The following HIP1 variants were observed in gnomAD, a reference collection of about 807,000 sequenced individuals.
The protein encoded by HIP1 is huntingtin interacting protein 1, also known as huntingtin-interacting protein 1.
A neutral mutation model predicts 147.6 loss-of-function variants in HIP1; 65 were observed. The observed-to-expected ratio is 0.44, with a 90% CI of 0.36 to 0.54. The LOEUF is 0.54. Among genes scored for constraint, HIP1 ranks in the 20% least tolerant of loss-of-function variants. The pLI is 0.00. For synonymous variants in HIP1, 479 were observed against 504.0 expected (o/e 0.95, Z 0.67); for missense variants, 1,061 against 1,299.6 (o/e 0.82, Z 2.82).
At chr7:75,696,463 CTTCCTTCCT>C (rs1198308950) in intron 1 of HIP1, among the ~76,000 whole-genome samples, 22 of 151,246 alleles carry the variant, frequency 1.5e-4, no homozygotes, top group African/African-American at 2.2e-4. Context: ...AGCCCTTTCT[CTTCCTTCCT>C]TTCCTTCCTT....
intron 1 of HIP1, among the ~76,000 whole-genome samples, chr7:75,690,612 C>CA (rs1800416321): frequency 6.6e-6 from 1 of 151,970 alleles, no homozygotes; most frequent in Non-Finnish European, 1.5e-5. Flanking sequence ...CCTGTAATCC[C>CA]AGCACTTTGG....
chr7:75,568,879 T>G lies in HIP1; in HGVS notation c.746-623A>C, dbSNP rs368331824. ...CAGAAATTAGCCGGGCGCGGTGGCA[T>G]GCGCCTGTAATCCCAGCTACTTGGG... On this transcript the variant is annotated intron_variant, in intron 8 of 30. Coordinates refer to ENST00000336926, the MANE Select transcript of HIP1 (RefSeq NM_005338.7). This position sits in a 1 kb window ranked among gnomAD's most constrained non-coding sequence, Gnocchi z 4.1. Among the ~76,000 whole-genome samples the G allele has an allele frequency of 6.6e-6, 1 of 152,042 alleles. No homozygotes were observed. Among genetic ancestry groups the G allele is most frequent in the Non-Finnish European group, 1.5e-5 (1 of 68,000 alleles).
At chr7:75,606,447 C>T (rs1797228131) in intron 1 of HIP1, among the ~76,000 whole-genome samples, 1 of 152,096 alleles carries the variant, frequency 6.6e-6, no homozygotes, top group African/African-American at 2.4e-5. Context: ...AGTGTGGTGG[C>T]TCATGCCTAT....
At chr7:75,736,558 A>G (rs1165349797) in intron 1 of HIP1, among the ~76,000 whole-genome samples, 1 of 152,128 alleles carries the variant, frequency 6.6e-6, no homozygotes, top group African/African-American at 2.4e-5. Context: ...TCTCTATGAA[A>G]ATATAAAAAT....
At chr7:75,556,600 A>T (rs1795014404) in intron 17 of HIP1, 110 bp downstream of exon 17, 2 of 704,976 alleles carry the variant, frequency 2.8e-6, no homozygotes, top group Non-Finnish European at 5.0e-6. Flanking sequence ...GGGGAGGATC[A>T]CCTGAGCCCA....
chr7:75,675,309 T>C (rs1486541967), intron 1 of HIP1, among the ~76,000 whole-genome samples: 1 of 152,104 alleles, frequency 6.6e-6, no homozygotes, highest in African/African-American at 2.4e-5. Context: ...CAAGTGATCC[T>C]CCTGCCTCAG....
At chr7:75,578,644 T>C (rs1478150592) in intron 7 of HIP1, among the ~76,000 whole-genome samples, 1 of 151,926 alleles carries the variant, frequency 6.6e-6, no homozygotes, top group Non-Finnish European at 1.5e-5. Flanking sequence ...CACCACTGCA[T>C]TCCAGCTTGG....
intron 25 of HIP1, 39 bp downstream of exon 25, chr7:75,546,900 T>C (rs1554491136): frequency 1.4e-6 from 2 of 1,411,680 alleles, no homozygotes; most frequent in East Asian, 2.5e-5. Context: ...CTGTCACCAA[T>C]GCCTCCTCTT....
At chr7:75,684,659 T>C (rs1800200355) in intron 1 of HIP1, among the ~76,000 whole-genome samples, 1 of 152,094 alleles carries the variant, frequency 6.6e-6, no homozygotes, top group Non-Finnish European at 1.5e-5. Context: ...TACCCTCACA[T>C]AGATGAACAC....
chr7:75,666,056 G>C (rs534152997), intron 1 of HIP1, among the ~76,000 whole-genome samples: 4 of 152,274 alleles, frequency 2.6e-5, no homozygotes, highest in African/African-American at 9.6e-5. Flanking sequence ...CAGTTGCACA[G>C]AGGTGGCTGC....
At chr7:75,556,980 A>G (rs1213396462) in intron 16 of HIP1, among the ~76,000 whole-genome samples, 169 bp from the exon 17 acceptor site, 1 of 152,050 alleles carries the variant, frequency 6.6e-6, no homozygotes, top group African/African-American at 2.4e-5. Context: ...AAGACCCCAG[A>G]GTGTACTGAA....
intron 1 of HIP1, among the ~76,000 whole-genome samples, chr7:75,667,409 T>G (rs1423742270): frequency 2.0e-5 from 3 of 152,226 alleles, no homozygotes; most frequent in Non-Finnish European, 4.4e-5. Flanking sequence ...TTCACAAGGC[T>G]GTTGTTGTAG....
At chr7:75,642,973 A>G (rs892324710) in intron 1 of HIP1, among the ~76,000 whole-genome samples, 6 of 152,174 alleles carry the variant, frequency 3.9e-5, no homozygotes, top group Non-Finnish European at 7.3e-5. Context: ...TCCACGTTTA[A>G]CATCCACTGA....
intron 1 of HIP1, among the ~76,000 whole-genome samples, chr7:75,620,367 C>G (rs1797804685): frequency 7.8e-6 from 1 of 127,452 alleles, no homozygotes; most frequent in Non-Finnish European, 1.6e-5. Context: ...GCCTGGGCAA[C>G]AGAGCAAGAC....
intron 1 of HIP1, among the ~76,000 whole-genome samples, chr7:75,697,024 T>A (rs1800662799): frequency 6.6e-6 from 1 of 152,074 alleles, no homozygotes. Context: ...TTTTCTCTTC[T>A]TGAAACTTAA....
chr7:75,664,164 T>G (rs372171970), intron 1 of HIP1, among the ~76,000 whole-genome samples: 97 of 39,664 alleles, frequency 2.4e-3, no homozygotes, highest in Admixed American at 6.2e-3. Flanking sequence ...GTGTGTATAT[T>G]TACATACATA....
At chr7:75,630,972 T>A (rs938684815) in intron 1 of HIP1, among the ~76,000 whole-genome samples, 3 of 152,136 alleles carry the variant, frequency 2.0e-5, no homozygotes, top group Non-Finnish European at 4.4e-5. Context: ...CTTATTTTTT[T>A]AGACAGGGTC....
chr7:75,556,280 C>G, intron 17 of HIP1, 111 bp from the exon 18 acceptor site: 1 of 1,254,146 alleles, frequency 8.0e-7, no homozygotes, highest in South Asian at 1.4e-5. Context: ...GGTGATGGCT[C>G]TTTAACCTGC....
At chr7:75,706,087 G>C (rs1462105928) in intron 1 of HIP1, among the ~76,000 whole-genome samples, 1 of 151,950 alleles carries the variant, frequency 6.6e-6, no homozygotes, top group Non-Finnish European at 1.5e-5. Flanking sequence ...TAGAGATGGG[G>C]TTTCACCATA....
Sources: allele counts gnomAD v4.1 joint callset (sites outside exome capture counted in the v4.1 genomes callset), GRCh38; gene constraint gnomAD v4.1.1; non-coding constraint Gnocchi (gnomAD v3.1); transcripts MANE v1.5; gene names NCBI Gene and HGNC (gene_info 2026-07-23, HGNC 2026-07-21).